CHRM3: variants seen among roughly 807,000 people sequenced by gnomAD.
The protein encoded by CHRM3 is muscarinic acetylcholine receptor M3.
In CHRM3, 11 loss-of-function variants were observed where a neutral mutation model predicts 41.8. The observed-to-expected ratio is 0.26, with a 90% confidence interval of 0.17 to 0.44. CHRM3 has a LOEUF of 0.44. CHRM3 is among the 20% of genes least tolerant of loss of function. The pLI is 1.00. For synonymous variants in CHRM3, 297 were observed against 301.4 expected (o/e 0.99, Z 0.15); for missense variants, 571 against 745.4 (o/e 0.77, Z 2.72).
intron 2 of CHRM3, among the ~76,000 whole-genome samples, chr1:239,523,780 A>C (rs1294091221): frequency 2.0e-5 from 3 of 152,208 alleles, no homozygotes; most frequent in Non-Finnish European, 4.4e-5. Flanking sequence ...AGATATACAA[A>C]CAAAATTAAT....
intron 3 of CHRM3, among the ~76,000 whole-genome samples, chr1:239,615,538 C>T (rs924391671): frequency 9.2e-5 from 14 of 152,036 alleles, no homozygotes; most frequent in South Asian, 2.1e-4. Context: ...ATTGTTCAAC[C>T]GTAAACACAA....
chr1:239,779,263 C>T (rs1286571595), intron 5 of CHRM3, among the ~76,000 whole-genome samples: 1 of 152,180 alleles, frequency 6.6e-6, no homozygotes, highest in African/African-American at 2.4e-5. Context: ...CCCCTGTTTT[C>T]AGCATCCCCC....
chr1:239,733,655 A>G (rs1664162178), intron 5 of CHRM3, among the ~76,000 whole-genome samples: 1 of 152,086 alleles, frequency 6.6e-6, no homozygotes, highest in Admixed American at 6.6e-5. Flanking sequence ...TTTGAGAGAA[A>G]AAATATTTTG....
chr1:239,702,668 T>C lies in CHRM3; in HGVS notation c.-147+24380T>C, dbSNP rs563134833. Among the ~76,000 whole-genome samples the C allele has an allele frequency of 2.6e-5, 4 of 152,242 alleles. No homozygotes were observed. In the East Asian group the frequency reaches 5.8e-4, roughly 22 times the overall value. ...GTTGCCCAGGCTGGAGTGAGCGCAG[T>C]GGCGCGATCTCAGCTCACTGCAGCC... On this transcript the variant is annotated intron_variant, in intron 5 of 6. Coordinates refer to ENST00000676153, the MANE Select transcript of CHRM3 (RefSeq NM_001375978.1).
intron 5 of CHRM3, chr1:239,705,780 A>G (rs189594448): frequency 2.6e-5 from 4 of 152,274 alleles, no homozygotes; most frequent in Admixed American, 2.0e-4. Context: ...CGATATATAT[A>G]TATATCAAGT....
chr1:239,725,285 G>C (rs1054193903), intron 5 of CHRM3, among the ~76,000 whole-genome samples: 1 of 151,854 alleles, frequency 6.6e-6, no homozygotes, highest in African/African-American at 2.4e-5. Context: ...ATAAATACCT[G>C]TAATTGGTGA....
intron 3 of CHRM3, among the ~76,000 whole-genome samples, chr1:239,599,202 A>G (rs534753840): frequency 2.8e-4 from 43 of 152,218 alleles, no homozygotes; most frequent in Non-Finnish European, 5.3e-4. Flanking sequence ...TCACCCAATA[A>G]AACAATGACT....
At chr1:239,793,760 G>A (rs889495854) in intron 5 of CHRM3, among the ~76,000 whole-genome samples, 5 of 133,468 alleles carry the variant, frequency 3.7e-5, no homozygotes, top group Middle Eastern at 4.3e-3. Context: ...AACTTATTCT[G>A]TTAGAAATAG....
chr1:239,395,137 C>A (rs1659368667), intron 1 of CHRM3, among the ~76,000 whole-genome samples: 1 of 152,156 alleles, frequency 6.6e-6, no homozygotes, highest in Admixed American at 6.6e-5. Context: ...CTTCTCTCCT[C>A]TGGTTCTTTT....
At chr1:239,609,223 A>G (rs1252765475) in intron 3 of CHRM3, among the ~76,000 whole-genome samples, 4 of 152,186 alleles carry the variant, frequency 2.6e-5, no homozygotes, top group Non-Finnish European at 4.4e-5. Flanking sequence ...ATTTTCAAGA[A>G]TTTTAAATGA....
intron 3 of CHRM3, among the ~76,000 whole-genome samples, chr1:239,588,777 A>G (rs1454676788): frequency 6.6e-6 from 1 of 152,190 alleles, no homozygotes; most frequent in Non-Finnish European, 1.5e-5. Flanking sequence ...AAATTTGCAT[A>G]GACTTTGAAT....
chr1:239,842,021 C>T (rs1377214854), intron 6 of CHRM3, among the ~76,000 whole-genome samples: 3 of 152,046 alleles, frequency 2.0e-5, no homozygotes, highest in Non-Finnish European at 2.9e-5. Flanking sequence ...AAATCTGCTC[C>T]GCATGATACT....
chr1:239,472,591 T>G (rs1230115196), intron 1 of CHRM3, among the ~76,000 whole-genome samples: 1 of 152,144 alleles, frequency 6.6e-6, no homozygotes, highest in African/African-American at 2.4e-5. Context: ...TGAATGGAGC[T>G]AGAAGCCATT....
intron 5 of CHRM3, among the ~76,000 whole-genome samples, chr1:239,725,869 A>G (rs1663389815): frequency 6.6e-6 from 1 of 152,000 alleles, no homozygotes; most frequent in South Asian, 2.1e-4. Context: ...TAACTTGATT[A>G]TGCAGATGTA....
intron 5 of CHRM3, among the ~76,000 whole-genome samples, chr1:239,777,070 A>G (rs1668148828): frequency 6.6e-6 from 1 of 152,192 alleles, no homozygotes; most frequent in Non-Finnish European, 1.5e-5. Flanking sequence ...TCCATGAGCT[A>G]ACACAATAAT....
At chr1:239,675,093 T>C (rs1285692416) in intron 4 of CHRM3, among the ~76,000 whole-genome samples, 2 of 152,210 alleles carry the variant, frequency 1.3e-5, no homozygotes, top group Non-Finnish European at 2.9e-5. Flanking sequence ...CAATTATCAA[T>C]GTTCTCTAGA....
At chr1:239,892,436 C>G (rs1678632894) in intron 6 of CHRM3, among the ~76,000 whole-genome samples, 2 of 152,194 alleles carry the variant, frequency 1.3e-5, no homozygotes, top group East Asian at 1.9e-4. Flanking sequence ...TAATCAAAAT[C>G]TGAACATGAC....
At chr1:239,897,944 C>T (rs1679149930) in intron 6 of CHRM3, 1 of 152,006 alleles carries the variant, frequency 6.6e-6, no homozygotes, top group Non-Finnish European at 1.5e-5. Context: ...TTTATCAAAT[C>T]AAGTAAAAAC....
At position 239,439,534 on chromosome 1, in the gene CHRM3, G is replaced by A. The variant is rs571893281; in HGVS notation, c.-521+52307G>A. 4.6e-5 allele frequency among the ~76,000 whole-genome samples: 7 copies of A among 152,218 alleles called. No homozygotes were observed. In the South Asian group the frequency reaches 1.5e-3, roughly 32 times the overall value. On this transcript the variant is annotated intron_variant, in intron 1 of 6. Transcript: ENST00000676153. Reference sequence around the variant, plus strand: ...ACAATGAGAGGAGAATTGAAATAGGGTCAAAGAAGGGTGAGAAAGCATTTA... The same window carrying A: ...ACAATGAGAGGAGAATTGAAATAGGATCAAAGAAGGGTGAGAAAGCATTTA...
Sources: allele counts gnomAD v4.1 joint callset (sites outside exome capture counted in the v4.1 genomes callset), GRCh38; gene constraint gnomAD v4.1.1; transcripts MANE v1.5; gene names NCBI Gene and HGNC (gene_info 2026-07-23, HGNC 2026-07-21).